The following SCHIP1 variants were observed in gnomAD, a reference collection of about 807,000 sequenced individuals.
SCHIP1 encodes the protein schwannomin-interacting protein 1.
A neutral mutation model predicts 29.7 loss-of-function variants in SCHIP1; 8 were observed. That is an observed-to-expected ratio of 0.27 (90% CI 0.16 to 0.49). SCHIP1 has a LOEUF of 0.49. Among genes scored for constraint, SCHIP1 ranks in the 20% least tolerant of loss-of-function variants. The pLI, the probability that SCHIP1 is intolerant of heterozygous loss-of-function variation, is 0.99. For missense variants in SCHIP1, 193 were observed against 294.6 expected (o/e 0.66, Z 2.52); for synonymous variants, 76 against 94.9 (o/e 0.80, Z 1.16).
the SCHIP1 span, among the ~76,000 whole-genome samples, chr3:159,699,042 T>G: frequency 6.6e-6 from 1 of 152,224 alleles, no homozygotes; most frequent in South Asian, 2.1e-4. Flanking sequence ...AAATTTGACT[T>G]TGCTTTATCA....
the SCHIP1 span, among the ~76,000 whole-genome samples, chr3:159,759,510 C>A: frequency 6.6e-6 from 1 of 152,162 alleles, no homozygotes; most frequent in Non-Finnish European, 1.5e-5. Context: ...ATTATTTATT[C>A]ATTTAATTAA....
the SCHIP1 span, among the ~76,000 whole-genome samples, chr3:159,504,731 T>A: frequency 2.0e-5 from 3 of 151,888 alleles, no homozygotes; most frequent in Admixed American, 6.6e-5. Flanking sequence ...TTTTCAACAA[T>A]TTTTTTTACT....
chr3:159,335,793 G>A, the SCHIP1 span, among the ~76,000 whole-genome samples: 32 of 152,150 alleles, frequency 2.1e-4, no homozygotes, highest in South Asian at 2.1e-4. Context: ...GAATAGTGCC[G>A]CAATAAGCAT....
At chr3:159,408,044 A>C in the SCHIP1 span, among the ~76,000 whole-genome samples, 6 of 152,192 alleles carry the variant, frequency 3.9e-5, no homozygotes. Context: ...AGAGTCTGTA[A>C]TCCCAGCACT....
the SCHIP1 span, among the ~76,000 whole-genome samples, chr3:159,404,280 G>A: frequency 2.0e-5 from 3 of 152,240 alleles, no homozygotes; most frequent in African/African-American, 7.2e-5. Flanking sequence ...ACTTTGTCTT[G>A]CAGCTTAGGT....
chr3:159,394,813 A>G, the SCHIP1 span, among the ~76,000 whole-genome samples: 2 of 151,982 alleles, frequency 1.3e-5, no homozygotes, highest in South Asian at 2.1e-4. Flanking sequence ...TTGGTATCAG[A>G]ATGATGCTGG....
At chr3:159,419,648 A>C in the SCHIP1 span, among the ~76,000 whole-genome samples, 3 of 152,074 alleles carry the variant, frequency 2.0e-5, no homozygotes, top group African/African-American at 7.2e-5. Context: ...ATCTCTACTA[A>C]AAATGCAAAA....
At chr3:159,334,904 T>C in the SCHIP1 span, among the ~76,000 whole-genome samples, 12 of 151,950 alleles carry the variant, frequency 7.9e-5, no homozygotes, top group African/African-American at 1.9e-4. Context: ...CTTCTTCTTT[T>C]TTTTTTTTAA....
chr3:159,396,555 T>G, the SCHIP1 span, among the ~76,000 whole-genome samples: 6 of 149,244 alleles, frequency 4.0e-5, no homozygotes, highest in Non-Finnish European at 4.5e-5. Flanking sequence ...GTCTGTAAAG[T>G]ATTTTATTTC....
chr3:159,737,454 A>C, the SCHIP1 span, among the ~76,000 whole-genome samples: 2 of 152,032 alleles, frequency 1.3e-5, no homozygotes, highest in Non-Finnish European at 2.9e-5. Flanking sequence ...TCAACAATAA[A>C]TCTCACTGTA....
chr3:159,495,740 A>C, the SCHIP1 span, among the ~76,000 whole-genome samples: 1 of 152,258 alleles, frequency 6.6e-6, no homozygotes, highest in Non-Finnish European at 1.5e-5. Context: ...CTTTCTTCAC[A>C]GAATTGGAAA....
At chr3:159,487,722 T>A in the SCHIP1 span, among the ~76,000 whole-genome samples, 1 of 152,092 alleles carries the variant, frequency 6.6e-6, no homozygotes, top group South Asian at 2.1e-4. Flanking sequence ...CTAAGAAAAG[T>A]GTCTATTCTT....
At chr3:159,338,828 C>T in the SCHIP1 span, among the ~76,000 whole-genome samples, 1 of 152,154 alleles carries the variant, frequency 6.6e-6, no homozygotes, top group Non-Finnish European at 1.5e-5. Context: ...GTTTGGATCT[C>T]ACCAAATACA....
the SCHIP1 span, among the ~76,000 whole-genome samples, chr3:159,471,105 A>G: frequency 2.6e-5 from 4 of 152,102 alleles, no homozygotes; most frequent in South Asian, 8.3e-4. Context: ...TGTGTGTATT[A>G]TATCTAAATG....
At chr3:159,694,548 GAAAGA>G in the SCHIP1 span, among the ~76,000 whole-genome samples, 3 of 38,442 alleles carry the variant, frequency 7.8e-5, no homozygotes, top group Non-Finnish European at 1.8e-4. Flanking sequence ...AAGAAAGAAA[GAAAGA>G]AAGAAAGAAA....
chr3:159,832,947 A>G, the SCHIP1 span, among the ~76,000 whole-genome samples: 2 of 152,238 alleles, frequency 1.3e-5, no homozygotes, highest in East Asian at 3.9e-4. Context: ...ATTACCTGTT[A>G]TTGTTGTTAA....
the SCHIP1 span, among the ~76,000 whole-genome samples, chr3:159,720,290 C>A: frequency 2.0e-5 from 3 of 151,752 alleles, no homozygotes; most frequent in African/African-American, 7.3e-5. Context: ...ATGTAAATGA[C>A]AAGTTAACGG....
chr3:159,583,060 A>G, the SCHIP1 span, among the ~76,000 whole-genome samples: 1 of 152,152 alleles, frequency 6.6e-6, no homozygotes, highest in Non-Finnish European at 1.5e-5. Flanking sequence ...AACATTTCTG[A>G]AAAAATGATG....
chr3:159,295,782 G>A, the SCHIP1 span, among the ~76,000 whole-genome samples: 1 of 152,200 alleles, frequency 6.6e-6, no homozygotes, highest in African/African-American at 2.4e-5. Context: ...CTGTAAACTT[G>A]AAGACAGACG....
Sources: allele counts gnomAD v4.1 joint callset (sites outside exome capture counted in the v4.1 genomes callset), GRCh38; gene constraint gnomAD v4.1.1; transcripts MANE v1.5; gene names NCBI Gene and HGNC (gene_info 2026-07-23, HGNC 2026-07-21).